Variants in SND1 observed in about 807,000 individuals in gnomAD.
SND1 encodes staphylococcal nuclease and tudor domain containing 1.
SND1 carries 38 observed loss-of-function variants against 121.7 expected under a neutral mutation model. The ratio of observed to expected loss-of-function variants is 0.31; its 90% CI spans 0.24 to 0.41. SND1 has a LOEUF of 0.41. SND1 is among the 10% of genes least tolerant of loss of function. The pLI, the probability that SND1 is intolerant of heterozygous loss-of-function variation, is 1.00. For synonymous variants in SND1, 401 were observed against 447.4 expected (o/e 0.90, Z 1.31); for missense variants, 868 against 1,184.6 (o/e 0.73, Z 3.92).
intron 8 of SND1, among the ~76,000 whole-genome samples, chr7:127,707,025 A>G (rs903211019): frequency 2.0e-5 from 3 of 152,222 alleles, no homozygotes; most frequent in African/African-American, 7.2e-5. Context: ...ACTGGGCATA[A>G]TACTTCAAAA....
intron 16 of SND1, among the ~76,000 whole-genome samples, chr7:128,049,084 T>C (rs909267758): frequency 6.6e-6 from 1 of 152,170 alleles, no homozygotes; most frequent in Non-Finnish European, 1.5e-5. Context: ...CCTTTCCCCT[T>C]CAAGGTCTGC....
At chr7:127,828,897 GT>G (rs766746722) in intron 11 of SND1, among the ~76,000 whole-genome samples, 4 of 152,080 alleles carry the variant, frequency 2.6e-5, no homozygotes, top group Non-Finnish European at 5.9e-5. Flanking sequence ...GGTCATTTTT[GT>G]TTATTGCTTT....
intron 14 of SND1, among the ~76,000 whole-genome samples, chr7:127,920,554 A>G (rs1800680947): frequency 6.6e-6 from 1 of 152,106 alleles, no homozygotes; most frequent in Non-Finnish European, 1.5e-5. Flanking sequence ...AAAAGGGGAA[A>G]AGGGACAGTT....
At chr7:127,861,262 T>A (rs1241683042) in intron 12 of SND1, among the ~76,000 whole-genome samples, 1 of 152,216 alleles carries the variant, frequency 6.6e-6, no homozygotes, top group African/African-American at 2.4e-5. Flanking sequence ...AGGTTGCTTT[T>A]CAGGGAGAGA....
At chr7:127,858,520 T>A (rs997248772) in intron 12 of SND1, 9 of 509,888 alleles carry the variant, frequency 1.8e-5, no homozygotes, top group African/African-American at 3.9e-5. Context: ...TGTACTTTGT[T>A]TATGCAGTGC....
At chr7:127,812,971 A>G (rs985780106) in intron 11 of SND1, among the ~76,000 whole-genome samples, 1 of 152,226 alleles carries the variant, frequency 6.6e-6, no homozygotes, top group Non-Finnish European at 1.5e-5. Context: ...CATTCATGCT[A>G]TGGAAAAGTC....
intron 3 of SND1, among the ~76,000 whole-genome samples, chr7:127,697,208 A>G (rs1225190827): frequency 6.6e-6 from 1 of 152,248 alleles, no homozygotes; most frequent in Non-Finnish European, 1.5e-5. Context: ...CAAATTCAGA[A>G]TTTGATAAGT....
At chr7:127,678,844 T>C (rs1341654681) in intron 1 of SND1, among the ~76,000 whole-genome samples, 1 of 152,240 alleles carries the variant, frequency 6.6e-6, no homozygotes, top group Admixed American at 6.5e-5. Context: ...TTTCTTTAAA[T>C]GTTTTCATTT....
intron 1 of SND1, among the ~76,000 whole-genome samples, chr7:127,684,004 G>A (rs1230018187): frequency 6.6e-6 from 1 of 152,208 alleles, no homozygotes; most frequent in African/African-American, 2.4e-5. Context: ...CATTAATGGG[G>A]CCAGGATAAT....
chr7:128,026,875 G>A (rs1244338623), intron 16 of SND1, among the ~76,000 whole-genome samples: 1 of 152,126 alleles, frequency 6.6e-6, no homozygotes, highest in African/African-American at 2.4e-5. Flanking sequence ...CACTAGAATC[G>A]GGGTGCTTTT....
intron 15 of SND1, among the ~76,000 whole-genome samples, chr7:127,961,879 C>T (rs1345059343): frequency 6.6e-6 from 1 of 152,204 alleles, no homozygotes; most frequent in African/African-American, 2.4e-5. Flanking sequence ...CCTCCTGCAA[C>T]AACAGAGTTG....
intron 12 of SND1, among the ~76,000 whole-genome samples, chr7:127,854,295 A>T (rs1430081149): frequency 1.3e-5 from 2 of 151,754 alleles, no homozygotes; most frequent in African/African-American, 4.8e-5. Context: ...CGCCTGGCTG[A>T]TTTTTGCATT....
intron 16 of SND1, chr7:127,998,046 C>G (rs1476842741): frequency 3.9e-6 from 2 of 511,750 alleles, no homozygotes; most frequent in Admixed American, 3.9e-5. Context: ...TCCTCACAGA[C>G]AGGAACCATG....
intron 13 of SND1, among the ~76,000 whole-genome samples, chr7:127,901,463 C>T (rs1800229129): frequency 1.3e-5 from 2 of 152,168 alleles, no homozygotes; most frequent in Admixed American, 1.3e-4. Flanking sequence ...ATGGCTCACT[C>T]AGCATCGTTC....
intron 12 of SND1, among the ~76,000 whole-genome samples, chr7:127,883,263 G>C (rs1309901044): frequency 6.6e-6 from 1 of 152,130 alleles, no homozygotes; most frequent in Non-Finnish European, 1.5e-5. Context: ...TGCCAACATG[G>C]AGAAAATATG....
At chr7:128,077,508 A>G (rs992165115) in intron 17 of SND1, among the ~76,000 whole-genome samples, 1 of 152,216 alleles carries the variant, frequency 6.6e-6, no homozygotes, top group Non-Finnish European at 1.5e-5. Context: ...GGAGCAGATG[A>G]ACAGGCAGGA....
At position 127,718,571 on chromosome 7, in the gene SND1, C is replaced by T. The variant is rs575073954; in HGVS notation, c.1039-2716C>T. 3 of 985,328 alleles carry T rather than the reference C, an allele frequency of 3.0e-6. No homozygotes were observed. The South Asian group carries it at 1.4e-4, about 46-fold the overall frequency. 61.0% of individuals were successfully genotyped at this position (985,328 alleles called of 1,614,324 possible). ...GCTGGCAGTGGCAGAGTGCACAGTT[C>T]CTGAAGAGGAGGTTTCTAATCAGGG... On this transcript the variant is annotated intron_variant, in intron 9 of 23. Coordinates refer to ENST00000354725, the MANE Select transcript of SND1 (RefSeq NM_014390.4).
At chr7:128,031,882 C>T (rs1435298153) in intron 16 of SND1, 1 of 150,818 alleles carries the variant, frequency 6.6e-6, no homozygotes, top group African/African-American at 2.4e-5. Context: ...GTGGCCGCGC[C>T]GCCAGCGGAC....
At chr7:127,793,786 C>A (rs1797959973) in intron 10 of SND1, among the ~76,000 whole-genome samples, 1 of 152,038 alleles carries the variant, frequency 6.6e-6, no homozygotes, top group African/African-American at 2.4e-5. Context: ...CGAGAAGTTC[C>A]CCATTCTTGC....
Sources: allele counts gnomAD v4.1 joint callset (sites outside exome capture counted in the v4.1 genomes callset), GRCh38; gene constraint gnomAD v4.1.1; transcripts MANE v1.5; gene names NCBI Gene and HGNC (gene_info 2026-07-23, HGNC 2026-07-21).